The following GBF1 variants were observed in gnomAD, a reference collection of about 807,000 sequenced individuals.
GBF1 encodes the protein Golgi-specific brefeldin A-resistance guanine nucleotide exchange factor 1.
Under a neutral mutation model 210.5 loss-of-function variants are expected in GBF1, and 114 were observed. That is an observed-to-expected ratio of 0.54 (90% CI 0.47 to 0.63). GBF1 has a LOEUF of 0.63. GBF1 is among the 30% of genes least tolerant of loss of function. GBF1 has a pLI of 0.00. For missense variants in GBF1, 1,851 were observed against 2,357.7 expected, an observed-to-expected ratio of 0.79 and a Z score of 4.45; for synonymous variants, 850 against 889.2, an observed-to-expected ratio of 0.96 and a Z score of 0.78.
At chr10:102,370,277 C>T in intron 27 of GBF1, 32 bp downstream of exon 27, 1 of 1,522,562 alleles carries the variant, frequency 6.6e-7, no homozygotes, top group East Asian at 2.2e-5. Flanking sequence ...CATGGAACAA[C>T]TGGCTGAATC....
In GBF1 at chr10:102,375,518, A is replaced by G. The variant is rs139161408; in HGVS notation, c.3820A>G (p.Ile1274Val). The G allele has an allele frequency of 3.1e-6, 5 of 1,614,112 alleles. No homozygotes were observed. Among genetic ancestry groups the G allele is most frequent in the South Asian group, 2.2e-5 (2 of 91,084 alleles). Residue 1274 changes from isoleucine to valine, a missense_variant, in exon 30 of 40, where the codon ATC (isoleucine) becomes GTC (valine). By Grantham distance (29) the Ile-to-Val change is conservative. Coordinates refer to ENST00000369983, the MANE Select transcript of GBF1 (RefSeq NM_001377137.1). Reference sequence around the variant, plus strand: ...CACACTCTTCACACTGCTGGAGTGCATCGGCTCAGGTGTGAAGCCTCCAGC... The same window carrying G: ...CACACTCTTCACACTGCTGGAGTGCGTCGGCTCAGGTGTGAAGCCTCCAGC... ...WATLFTLLEC[I>V]GSGVKPPAAL...
chr10:102,275,649 A>T (rs1196305093), intron 3 of GBF1, among the ~76,000 whole-genome samples: 1 of 152,184 alleles, frequency 6.6e-6, no homozygotes, highest in Non-Finnish European at 1.5e-5. Flanking sequence ...TTAAAGTGCA[A>T]TTCTTTCTCC....
chr10:102,292,938 TTGTTA>T (rs1333146940), intron 3 of GBF1, among the ~76,000 whole-genome samples: 2 of 152,230 alleles, frequency 1.3e-5, no homozygotes, highest in Non-Finnish European at 2.9e-5. Context: ...TGCTTCAAAC[TTGTTA>T]TGTAAGTTTC....
In GBF1 at chr10:102,369,918, G is replaced by A. The variant is rs1174085523; in HGVS notation, c.3273G>A (p.Gln1091=). ...GGCTAACACTGAGTGGTCCTGAGCA[G>A]TCTAGTGTTCGGGGCCCATCCACTG... is the stretch of plus-strand genomic sequence containing the variant. ...VSWLTLSGPE[Q]SSVRGPSTEN... Residue 1091 remains glutamine, a synonymous_variant, in exon 26 of 40, where the codon CAG becomes CAA. Coordinates refer to ENST00000369983, the MANE Select transcript of GBF1 (RefSeq NM_001377137.1). 1.2e-6 allele frequency: 2 copies of A among 1,613,918 alleles called. No homozygotes were observed. The highest frequency in any genetic ancestry group is 2.7e-5 in the African/African-American group (2 of 74,916).
At chr10:102,314,918 G>T (rs1451890470) in intron 3 of GBF1, among the ~76,000 whole-genome samples, 1 of 152,028 alleles carries the variant, frequency 6.6e-6, no homozygotes, top group African/African-American at 2.4e-5. Context: ...GCACAAAATG[G>T]CCTCCCCTCC....
At chr10:102,232,000 C>T in the GBF1 span, 1 of 1,610,736 alleles carries the variant, frequency 6.2e-7, no homozygotes, top group Non-Finnish European at 8.5e-7. Flanking sequence ...GCTCTGGGAG[C>T]TGGGGGTGCG....
At chr10:102,351,999 TG>T (rs746396575) in intron 6 of GBF1, 48 bp downstream of exon 6, 1 of 995,708 alleles carries the variant, frequency 1.0e-6, no homozygotes, top group East Asian at 2.4e-5. Context: ...GGCCAGTGTC[TG>T]AGTATGAATA....
chr10:102,248,883 C>T (rs1462034260), intron 1 of GBF1, among the ~76,000 whole-genome samples: 1 of 152,196 alleles, frequency 6.6e-6, no homozygotes, highest in Admixed American at 6.5e-5. Context: ...AGTCCTCCCA[C>T]TTTTGCCTCC....
intron 27 of GBF1, 58 bp downstream of exon 27, chr10:102,370,303 G>A (rs1265557121): frequency 4.8e-6 from 7 of 1,461,148 alleles, no homozygotes; most frequent in Non-Finnish European, 5.8e-6. Flanking sequence ...GGGGTGACAG[G>A]GACAGTATTA....
chr10:102,332,041 G>T (rs1261061183), intron 3 of GBF1, among the ~76,000 whole-genome samples: 1 of 151,696 alleles, frequency 6.6e-6, no homozygotes, highest in Non-Finnish European at 1.5e-5. Flanking sequence ...TGTATTTTTA[G>T]TAGGGACAGG....
intron 3 of GBF1, among the ~76,000 whole-genome samples, chr10:102,273,559 C>G (rs1038109621): frequency 1.3e-5 from 2 of 152,134 alleles, no homozygotes; most frequent in African/African-American, 4.8e-5. Flanking sequence ...ATTTGTCTGT[C>G]TGCAATGTTA....
At position 102,293,762 on chromosome 10, in the gene GBF1, A is replaced by ATTTTTT. The variant is rs1565071251; in HGVS notation, c.163+33647_163+33648insTTTTTT. Among the ~76,000 whole-genome samples, 33 of 44,578 alleles carry ATTTTTT rather than the reference A, an allele frequency of 7.4e-4. 1 individual carries two copies. Among genetic ancestry groups the ATTTTTT allele is most frequent in the South Asian group, 2.1e-3 (2 of 972 alleles). 29.2% of individuals were successfully genotyped at this position (44,578 alleles called of 152,430 possible). On this transcript the variant is annotated intron_variant, in intron 3 of 39. Coordinates refer to ENST00000369983, the MANE Select transcript of GBF1 (RefSeq NM_001377137.1). ...AGAAAATATTTTGTACAGCTGTAGT[A>ATTTTTT]TGTTTTGTGTTTTTTTTTTTTTTTT...
rs1000524125 is a variant in GBF1 at position 102,258,977 on chromosome 10, T to G, written c.39T>G (p.Ile13Met). The change falls in exon 2 of 40, where the codon ATT (isoleucine) becomes ATG (methionine). Residue 13 changes from isoleucine to methionine, a missense_variant. Physicochemically the swap from Ile to Met is conservative, Grantham distance 10. This residue lies in a region of GBF1 where 804 missense variants were observed against 958.6 expected (regional missense o/e 0.84). Transcript: ENST00000369983. ...DKNIYIIQGE[I>M]NIVVGAIKRN... ...ATATTTACATCATTCAAGGGGAGAT[T>G]AACATTGTGGTTGGGGCCATCAAAC... The G allele has an allele frequency of 2.2e-5, 35 of 1,608,260 alleles. No homozygotes were observed. The highest frequency in any genetic ancestry group is 2.6e-5 in the Non-Finnish European group (31 of 1,174,776).
At chr10:102,276,251 G>A (rs772022) in intron 3 of GBF1, among the ~76,000 whole-genome samples, 48,209 of 147,782 alleles carry the variant, frequency 0.33, 8,249 homozygotes, top group South Asian at 0.48. Flanking sequence ...AAAAGGCCTG[G>A]CGCGGTGGCT....
intron 3 of GBF1, among the ~76,000 whole-genome samples, chr10:102,272,338 C>A (rs994409382): frequency 6.6e-6 from 1 of 152,190 alleles, no homozygotes; most frequent in African/African-American, 2.4e-5. Context: ...CTCCTGACCT[C>A]AGGTGATCTG....
intron 3 of GBF1, among the ~76,000 whole-genome samples, chr10:102,295,516 A>G (rs773218783): frequency 2.0e-5 from 3 of 152,200 alleles, no homozygotes; most frequent in Non-Finnish European, 4.4e-5. Context: ...GATGATAATG[A>G]TATTAAGGTT....
chr10:102,375,043 A>G (rs1399810377), intron 29 of GBF1, among the ~76,000 whole-genome samples: 4 of 151,760 alleles, frequency 2.6e-5, no homozygotes, highest in African/African-American at 9.7e-5. Context: ...GTGTGGTCAC[A>G]TGCACCTGTA....
chr10:102,278,656 A>G (rs985375349), intron 3 of GBF1, among the ~76,000 whole-genome samples: 1 of 152,168 alleles, frequency 6.6e-6, no homozygotes, highest in Non-Finnish European at 1.5e-5. Flanking sequence ...TCTTATAGCT[A>G]TTTGGAAATA....
intron 3 of GBF1, among the ~76,000 whole-genome samples, chr10:102,342,592 C>T (rs2058276435): frequency 6.6e-6 from 1 of 151,968 alleles, no homozygotes; most frequent in Non-Finnish European, 1.5e-5. Flanking sequence ...GAGGAGCAGC[C>T]GGGCCCAGGG....
Sources: gnomAD v4.1 joint callset for allele counts (sites outside exome capture counted in the v4.1 genomes callset) on GRCh38, gnomAD v4.1.1 for gene constraint, gnomAD v4.1.1 regional missense constraint, MANE v1.5 for transcripts, NCBI Gene and HGNC (gene_info 2026-07-23, HGNC 2026-07-21) for gene names.